Variants in SIGLEC11 observed in about 807,000 individuals in gnomAD.
SIGLEC11 encodes the protein sialic acid-binding Ig-like lectin 11.
Under a neutral mutation model 61.2 loss-of-function variants are expected in SIGLEC11, and 47 were observed. The observed-to-expected ratio is 0.77, with a 90% CI of 0.61 to 0.98. SIGLEC11 has a LOEUF of 0.98. Among genes scored for constraint, SIGLEC11 ranks in the 50% least tolerant of loss-of-function variants. The pLI is 0.00. For missense variants in SIGLEC11, 610 were observed against 870.3 expected (o/e 0.70, Z 3.76); for synonymous variants, 278 against 373.1 (o/e 0.75, Z 2.94).
intron 8 of SIGLEC11, among the ~76,000 whole-genome samples, chr19:49,953,420 C>T (rs2076173266): frequency 6.6e-6 from 1 of 152,046 alleles, no homozygotes; most frequent in East Asian, 1.9e-4. Context: ...AACTCACACC[C>T]CAACCATCAC....
chr19:49,958,915 G>C lies in SIGLEC11; in HGVS notation c.1106-15C>G. On this transcript the variant is annotated splice_polypyrimidine_tract_variant and intron_variant, in intron 6 of 10. Transcript: ENST00000447370. ...GTTTTCCAGGACTAGGGAAGGAAGA[G>C]GCAGAATCGACGTGCAGCTCAGGGC... The C allele has an allele frequency of 6.2e-7, 1 of 1,603,804 alleles. No individual in the cohort carries two copies. The highest frequency in any genetic ancestry group is 8.5e-7 in the Non-Finnish European group (1 of 1,173,906).
chr19:49,952,024 G>A (rs756212287), intron 9 of SIGLEC11, 52 bp from the exon 10 acceptor site: 2 of 1,539,770 alleles, frequency 1.3e-6, no homozygotes, highest in East Asian at 2.3e-5. Context: ...AGAGCCTGGG[G>A]AAACTGCTAC....
At chr19:49,954,232 G>A (rs77695494) in intron 8 of SIGLEC11, among the ~76,000 whole-genome samples, 1 of 152,242 alleles carries the variant, frequency 6.6e-6, no homozygotes, top group African/African-American at 2.4e-5. Context: ...AGCAAGAGAA[G>A]CCAGTTTTGC....
chr19:49,950,144 C>A lies in SIGLEC11; in HGVS notation c.1923G>T (p.Glu641Asp). Residue 641 changes from glutamate (E) to aspartate (D), a missense_variant, in exon 11 of 11, where the codon GAG becomes GAT. Transcript: ENST00000447370. ...GGAAGCTGAGGGAGGCATAGTGGAGCTCCTGCTCTTCCCCCTTCCCCGGGG... is the reference window on the plus strand; with the variant it reads ...GGAAGCTGAGGGAGGCATAGTGGAGATCCTGCTCTTCCCCCTTCCCCGGGG... ...TYTPGKGEEQ[E>D]LHYASLSFQG... is the part of the protein sequence containing the mutation. The A allele has an allele frequency of 6.2e-7, 1 of 1,612,368 alleles. No homozygotes were observed. The highest frequency in any genetic ancestry group is 8.5e-7 in the Non-Finnish European group (1 of 1,179,654).
Position 49,951,817 on chromosome 19 carries a change from C to G in SIGLEC11, c.1830+74G>C. 1 of 1,305,538 alleles carries G rather than the reference C, an allele frequency of 7.7e-7. No individual in the cohort carries two copies. The highest frequency in any genetic ancestry group is 1.0e-6 in the Non-Finnish European group (1 of 959,490). 80.9% of individuals were successfully genotyped at this position (1,305,538 alleles called of 1,614,324 possible). ...TGGGGCACAATGATTCTGCAAGTCA[C>G]CAAGAGGACTACCCATGGCCATCAA... On this transcript the variant is annotated intron_variant, in intron 10 of 10. Transcript: ENST00000447370. This position sits in a 1 kb window ranked among gnomAD's most constrained non-coding sequence, Gnocchi z 4.6.
chr19:49,957,158 T>G (rs1227983550), intron 8 of SIGLEC11, among the ~76,000 whole-genome samples: 1 of 152,116 alleles, frequency 6.6e-6, no homozygotes, highest in Non-Finnish European at 1.5e-5. Context: ...TTCAATCAAC[T>G]ATAAAGGCAA....
At chr19:49,956,535 T>C (rs796148342) in intron 8 of SIGLEC11, among the ~76,000 whole-genome samples, 2 of 152,154 alleles carry the variant, frequency 1.3e-5, no homozygotes, top group Non-Finnish European at 2.9e-5. Flanking sequence ...ACCGTCTTTC[T>C]TCCTATTCCC....
rs754180000 is a variant in SIGLEC11 at position 49,958,631 on chromosome 19, T to TC, written c.1363+11dup. The TC allele has an allele frequency of 8.9e-6, 14 of 1,577,570 alleles. No individual in the cohort carries two copies. Among genetic ancestry groups the TC allele is most frequent in the Non-Finnish European group, 6.9e-6 (8 of 1,162,450 alleles). On this transcript the variant is annotated intron_variant, in intron 7 of 10. Transcript: ENST00000447370. ...CTTCCTGGGACCCAGGTGTCCCCTT[T>TC]CCCCCACTCACAGTGCACGGAGAGG...
chr19:49,950,191 G>A lies in SIGLEC11; in HGVS notation c.1876C>T (p.Pro626Ser). ...CSAGSSQDHP[P>S]PGAATYTPGK... Reference sequence around the variant, plus strand: ...GGGGTGTAGGTGGCTGCACCTGGGGGCGGGTGGTCTTGGGAGCTGCCTGCC... The same window carrying A: ...GGGGTGTAGGTGGCTGCACCTGGGGACGGGTGGTCTTGGGAGCTGCCTGCC... Residue 626 changes from proline to serine, a missense_variant, in exon 11 of 11, where the codon CCC becomes TCC. Pro to Ser is a moderately conservative substitution (Grantham distance 74, BLOSUM62 -1). This residue lies in a region of SIGLEC11 where 432 missense variants were observed against 441.5 expected (regional missense o/e 0.98). Transcript: ENST00000447370. 1.2e-6 allele frequency: 2 copies of A among 1,604,334 alleles called. No homozygotes were observed. The highest frequency in any genetic ancestry group is 1.7e-6 in the Non-Finnish European group (2 of 1,177,262).
intron 8 of SIGLEC11, among the ~76,000 whole-genome samples, chr19:49,957,479 C>CA (rs956340255): frequency 1.3e-5 from 2 of 149,642 alleles, no homozygotes; most frequent in African/African-American, 4.9e-5. Flanking sequence ...AAGCCAAGGC[C>CA]AAAGGAATGG....
Position 49,960,165 on chromosome 19 carries a change from TGC to T in SIGLEC11, c.715_716del (p.Ala239ThrfsTer22). ...HVDFSRKGVS[A>X]QRTVRLRVAY... ...CCACACGGAGTCGGACGGTCCTCTG[TGC>T]GCTCACACCCTTTCTGGAGAAGTCC... On this transcript the variant is annotated frameshift_variant, in exon 3 of 11. Transcript: ENST00000447370. LOFTEE classifies it high-confidence loss of function. The T allele has an allele frequency of 6.7e-7, 1 of 1,483,370 alleles. No homozygotes were observed. Among genetic ancestry groups the T allele is most frequent in the Non-Finnish European group, 9.2e-7 (1 of 1,087,284 alleles). The allele number at this position is 1,483,370 out of a possible 1,614,324, so 91.9% of individuals were successfully genotyped here.
At position 49,958,733 on chromosome 19, in the gene SIGLEC11, G is replaced by T. The variant is rs759965484; in HGVS notation, c.1273C>A (p.Pro425Thr). The T allele has an allele frequency of 1.2e-6, 2 of 1,613,768 alleles. No homozygotes were observed. The highest frequency in any genetic ancestry group is 2.7e-5 in the African/African-American group (2 of 74,928). The change falls in exon 7 of 11, where the codon CCC (proline) becomes ACC (threonine). Residue 425 changes from proline (P) to threonine (T), a missense_variant. By Grantham distance (38) the Pro-to-Thr change is conservative. Coordinates refer to ENST00000447370, the MANE Select transcript of SIGLEC11 (RefSeq NM_052884.3). ...TCTCCTTCGTGCTCCATTTGAATGG[G>T]TGGCAGCTCCAGGACCCCGGGGTCT... is the stretch of plus-strand genomic sequence containing the variant. ...PSDPGVLELPPIQMEHEGEFT... is the reference protein window; with the variant it reads ...PSDPGVLELPTIQMEHEGEFT...
Position 49,958,356 on chromosome 19 carries a change from G to A in SIGLEC11, c.1578C>T (p.Ser526=), listed in dbSNP as rs773793449. The change falls in exon 8 of 11, where the codon TCC becomes TCT. Residue 526 remains serine, a synonymous_variant. Coordinates refer to ENST00000447370, the MANE Select transcript of SIGLEC11 (RefSeq NM_052884.3). ...SSLSLHGGLS[S]GLRLRCKAWN... is the part of the protein sequence containing the mutation. ...AGGCCTTACAGCGGAGCCTGAGGCC[G>A]GAGCTGAGCCCTCCATGGAGGCTCA... 3.1e-5 allele frequency: 50 copies of A among 1,614,058 alleles called. 1 individual carries two copies. The highest frequency in any genetic ancestry group is 1.2e-4 in the South Asian group (11 of 91,084).
Position 49,960,625 on chromosome 19 carries a change from G to A in SIGLEC11, c.387C>T (p.Tyr129=), listed in dbSNP as rs2084947035. The change falls in exon 2 of 11, where the codon TAC becomes TAT. Residue 129 remains tyrosine (Y), a synonymous_variant. Coordinates refer to ENST00000447370, the MANE Select transcript of SIGLEC11 (RefSeq NM_052884.3). ...GGCTTCCTCTCTCCACCCGAAAGAA[G>A]TACCATGCCTCATCCTCCCTCTGCG... ...RDAQREDEAW[Y]FFRVERGSRV... 1.2e-6 allele frequency: 2 copies of A among 1,602,026 alleles called. No homozygotes were observed. Among genetic ancestry groups the A allele is most frequent in the Non-Finnish European group, 1.7e-6 (2 of 1,179,038 alleles).
intron 8 of SIGLEC11, among the ~76,000 whole-genome samples, chr19:49,953,145 G>A (rs2076170444): frequency 6.6e-6 from 1 of 152,226 alleles, no homozygotes; most frequent in Non-Finnish European, 1.5e-5. Context: ...GTGACCCCAG[G>A]TGCCACTGGG....
intron 5 of SIGLEC11, 22 bp from the exon 6 acceptor site, chr19:49,959,099 G>A (rs753060188): frequency 1.3e-5 from 21 of 1,613,682 alleles, no homozygotes; most frequent in Admixed American, 1.7e-5. Flanking sequence ...ACAGGGGACC[G>A]GCTCTAGACA....
chr19:49,959,323 T>TCC (rs2076223958), intron 5 of SIGLEC11, 37 bp downstream of exon 5: 1 of 1,598,892 alleles, frequency 6.3e-7, no homozygotes, highest in Non-Finnish European at 8.5e-7. Context: ...CCCTCTGCCC[T>TCC]CCCAATGGAC....
Position 49,960,819 on chromosome 19 carries a change from C to T in SIGLEC11, c.193G>A (p.Glu65Lys), listed in dbSNP as rs149081611. The T allele has an allele frequency of 2.8e-3, 4,461 of 1,613,326 alleles. 17 individuals are homozygous for T. The highest frequency in any genetic ancestry group is 3.4e-3 in the Non-Finnish European group (4,022 of 1,179,926). Residue 65 changes from glutamate (E) to lysine (K), a missense_variant, in exon 2 of 11, where the codon GAG (glutamate) becomes AAG (lysine). This residue lies in a region of SIGLEC11 where 27 missense variants were observed against 96.0 expected (regional missense o/e 0.28). Coordinates refer to ENST00000447370, the MANE Select transcript of SIGLEC11 (RefSeq NM_052884.3). ...NLSYPRDGWD[E>K]STAAYGYWFK... ...CAGTAGCCATAAGCAGCAGTAGACT[C>T]GTCCCAGCCATCCCGGGGGTAGGAG...
chr19:49,960,246 C>T lies in SIGLEC11; in HGVS notation c.636G>A (p.Val212=), dbSNP rs1401839907. 6.4e-7 allele frequency: 1 copy of T among 1,572,448 alleles called. No individual in the cohort carries two copies. The highest frequency in any genetic ancestry group is 1.1e-5 in the South Asian group (1 of 89,336). ...RTRPSTSHFS[V]LSFTPSPQDH... ...CCTGGGGGCTGGGCGTGAAGCTGAG[C>T]ACTGAGAAGTGGGAGGTGCTTGGTC... Residue 212 remains valine, a synonymous_variant, in exon 3 of 11, where the codon GTG becomes GTA. Coordinates refer to ENST00000447370, the MANE Select transcript of SIGLEC11 (RefSeq NM_052884.3).
Sources: gnomAD v4.1 joint callset for allele counts (sites outside exome capture counted in the v4.1 genomes callset) on GRCh38, gnomAD v4.1.1 for gene constraint, gnomAD v4.1.1 regional missense constraint, Gnocchi (gnomAD v3.1) non-coding constraint, MANE v1.5 for transcripts, NCBI Gene and HGNC (gene_info 2026-07-23, HGNC 2026-07-21) for gene names.